EVC: variants seen among roughly 807,000 people sequenced by gnomAD.
The protein encoded by EVC is EvC ciliary complex subunit 1.
EVC carries 116 observed loss-of-function variants against 118.9 expected under a neutral mutation model. The ratio of observed to expected loss-of-function variants is 0.98; its 90% CI spans 0.84 to 1.14. The LOEUF (loss-of-function observed/expected upper bound fraction) is 1.14. EVC is among the 50% of genes most tolerant of loss of function. The pLI is 0.00. For synonymous variants in EVC, 619 were observed against 534.7 expected (o/e 1.16, Z -2.18); for missense variants, 1,401 against 1,246.4 (o/e 1.12, Z -1.87).
At chr4:5,828,411 C>T in the EVC span, 30 of 1,546,734 alleles carry the variant, frequency 1.9e-5, 1 homozygote, top group South Asian at 1.3e-4. Flanking sequence ...ACTCTGCACA[C>T]GTCAGATCTC....
chr4:5,731,566 TC>T lies in EVC; in HGVS notation c.528del (p.Ser177AlafsTer19), dbSNP rs1381525157. 6.2e-7 allele frequency: 1 copy of T among 1,614,070 alleles called. No individual in the cohort carries two copies. Among genetic ancestry groups the T allele is most frequent in the East Asian group, 2.2e-5 (1 of 44,858 alleles). On this transcript the variant is annotated frameshift_variant, in exon 4 of 21. Coordinates refer to ENST00000264956, the MANE Select transcript of EVC (RefSeq NM_153717.3). LOFTEE classifies it high-confidence loss of function. The surrounding 1 kb of genome is among the most constrained non-coding windows in gnomAD (Gnocchi z 5.6). ...QGEKDDCSSS[S>X]SVHSATSDDR... ...TGAGAAGGACGACTGCAGCTCCTCA[TC>T]CAGCGTCCACTCGGCCACCAGCGAT...
rs1328905724 is a variant in EVC, at chr4:5,783,709, G to A, written c.1721G>A (p.Arg574His). 1.3e-5 allele frequency: 21 copies of A among 1,613,846 alleles called. No individual in the cohort carries two copies. The highest frequency in any genetic ancestry group is 2.7e-5 in the African/African-American group (2 of 74,904). The change falls in exon 12 of 21, where the codon CGC (arginine) becomes CAC (histidine). Residue 574 changes from arginine to histidine, a missense_variant. Transcript: ENST00000264956. ...NAAWQLGKSN[R>H]FRRQQWKLFQ... ...GCCTGGCAGCTGGGGAAGTCAAATC[G>A]CTTCCGGAGGCAGCAGTGGAAACTC...
chr4:5,791,996 A>G lies in EVC; in HGVS notation c.1777-1612A>G, dbSNP rs1577594287. 5.3e-5 allele frequency among the ~76,000 whole-genome samples: 8 copies of G among 152,362 alleles called. 3 individuals are homozygous for G. The highest frequency in any genetic ancestry group is 5.2e-4 in the Admixed American group (8 of 15,298). Reference sequence around the variant, plus strand: ...TTAGGGGAGCTCTGATGGCCTGTGCAGTGCATTGACAGAGTAAAATAACTA... The same window carrying G: ...TTAGGGGAGCTCTGATGGCCTGTGCGGTGCATTGACAGAGTAAAATAACTA... On this transcript the variant is annotated intron_variant, in intron 12 of 20. Transcript: ENST00000264956.
chr4:5,804,350 T>G (rs1715511463), intron 16 of EVC, among the ~76,000 whole-genome samples: 1 of 152,182 alleles, frequency 6.6e-6, no homozygotes, highest in South Asian at 2.1e-4. Context: ...ACTTCCTAGC[T>G]CCTTGGAGAG....
chr4:5,786,881 A>G (rs1711748099), intron 12 of EVC, among the ~76,000 whole-genome samples: 1 of 152,020 alleles, frequency 6.6e-6, no homozygotes, highest in African/African-American at 2.4e-5. Context: ...CAAAAAAAAA[A>G]AAAAAAAAAT....
intron 6 of EVC, 85 bp downstream of exon 6, chr4:5,741,899 T>G: frequency 1.5e-6 from 1 of 680,062 alleles, no homozygotes; most frequent in Non-Finnish European, 2.6e-6. Context: ...TTTTTTTCTT[T>G]CATGTATAAA....
chr4:5,791,448 G>T (rs7678023), intron 12 of EVC, among the ~76,000 whole-genome samples: 103,938 of 151,816 alleles, frequency 0.68, 35,890 homozygotes, highest in South Asian at 0.81. Context: ...AGTTTAGAAA[G>T]GAGCGCTTTA....
intron 12 of EVC, among the ~76,000 whole-genome samples, chr4:5,792,297 AAGTC>A (rs1226522930): frequency 3.9e-5 from 6 of 152,228 alleles, no homozygotes; most frequent in South Asian, 2.1e-4. Context: ...AAAAGTTAGA[AAGTC>A]AAGTTAAGGA....
chr4:5,742,464 TCACCAC>T lies in EVC; in HGVS notation c.801+654_801+659del, dbSNP rs958118451. 2.0e-5 allele frequency among the ~76,000 whole-genome samples: 3 copies of T among 152,172 alleles called. No homozygotes were observed. The highest frequency in any genetic ancestry group is 7.2e-5 in the African/African-American group (3 of 41,434). On this transcript the variant is annotated intron_variant, in intron 6 of 20. Coordinates refer to ENST00000264956, the MANE Select transcript of EVC (RefSeq NM_153717.3). The surrounding 1 kb of genome is among the most constrained non-coding windows in gnomAD (Gnocchi z 5.2). ...CCACCAGTTTTATTTTGTATCACCA[TCACCAC>T]CACTATTACTATCACAGTTCTCTTC...
intron 1 of EVC, among the ~76,000 whole-genome samples, chr4:5,718,185 G>A (rs541526152): frequency 5.9e-5 from 9 of 152,136 alleles, no homozygotes; most frequent in Non-Finnish European, 1.2e-4. Context: ...CAGCATTAGC[G>A]AACACTGAAC....
chr4:5,828,463 G>A, the EVC span: 2 of 1,606,454 alleles, frequency 1.2e-6, no homozygotes, highest in South Asian at 2.2e-5. Context: ...CCACGGGTGG[G>A]CCCGCTCCCC....
intron 11 of EVC, among the ~76,000 whole-genome samples, chr4:5,763,535 A>T (rs1411762414): frequency 7.0e-6 from 1 of 141,874 alleles, no homozygotes; most frequent in Non-Finnish European, 1.5e-5. Flanking sequence ...ACCCATGAGC[A>T]TGGAATGTTC....
At chr4:5,787,656 G>C (rs1302233281) in intron 12 of EVC, among the ~76,000 whole-genome samples, 2 of 152,208 alleles carry the variant, frequency 1.3e-5, no homozygotes, top group African/African-American at 4.8e-5. Context: ...CAACAAATTT[G>C]TAATAAAGTG....
chr4:5,824,994 G>A, the EVC span: 118 of 985,380 alleles, frequency 1.2e-4, no homozygotes, highest in South Asian at 1.4e-3. Flanking sequence ...TGGGGCTTCC[G>A]TTTCCTCTTT....
the EVC span, chr4:5,825,429 C>T: frequency 6.7e-7 from 1 of 1,499,134 alleles, no homozygotes; most frequent in Non-Finnish European, 8.8e-7. This position sits in a 1 kb window ranked among gnomAD's most constrained non-coding sequence, Gnocchi z 4.4. Flanking sequence ...TCCTCAGAAG[C>T]AGCAGGAAGG....
chr4:5,821,643 A>G, the EVC span: 1 of 949,354 alleles, frequency 1.1e-6, no homozygotes. This position sits in a 1 kb window ranked among gnomAD's most constrained non-coding sequence, Gnocchi z 4.4. Context: ...GCATCCTTCG[A>G]CTTCCCCCTC....
chr4:5,772,069 T>G (rs1577517643), intron 11 of EVC, among the ~76,000 whole-genome samples: 1 of 152,018 alleles, frequency 6.6e-6, no homozygotes. Flanking sequence ...GCTAATTTTT[T>G]GTATTTTTAG....
intron 12 of EVC, among the ~76,000 whole-genome samples, chr4:5,786,506 T>A (rs1711617808): frequency 6.6e-6 from 1 of 152,210 alleles, no homozygotes; most frequent in South Asian, 2.1e-4. Context: ...GCTGATTACA[T>A]AAGTATGACC....
the EVC span, chr4:5,825,784 ACACAC>A: frequency 2.3e-6 from 2 of 866,096 alleles, no homozygotes; most frequent in Non-Finnish European, 3.6e-6. This position sits in a 1 kb window ranked among gnomAD's most constrained non-coding sequence, Gnocchi z 4.4. Flanking sequence ...ATGCACACAC[ACACAC>A]AACACGCACA....
Sources: allele counts gnomAD v4.1 joint callset (sites outside exome capture counted in the v4.1 genomes callset), GRCh38; gene constraint gnomAD v4.1.1; non-coding constraint Gnocchi (gnomAD v3.1); transcripts MANE v1.5; gene names NCBI Gene and HGNC (gene_info 2026-07-23, HGNC 2026-07-21).